NLGN1: variants seen among roughly 807,000 people sequenced by gnomAD.
The protein encoded by NLGN1 is neuroligin 1.
A neutral mutation model predicts 65.5 loss-of-function variants in NLGN1; 12 were observed. The ratio of observed to expected loss-of-function variants is 0.18; its 90% CI spans 0.12 to 0.30. The LOEUF (loss-of-function observed/expected upper bound fraction) is 0.30. Among genes scored for constraint, NLGN1 ranks in the 10% least tolerant of loss-of-function variants. The probability of loss-of-function intolerance (pLI) is 1.00; values close to 1 mark genes in which losing one functional copy is unlikely to be tolerated. For synonymous variants in NLGN1, 350 were observed against 359.5 expected, an observed-to-expected ratio of 0.97 and a Z score of 0.30; for missense variants, 750 against 1,007.1, an observed-to-expected ratio of 0.74 and a Z score of 3.46.
chr3:174,023,380 G>A (rs1487584089), intron 4 of NLGN1, among the ~76,000 whole-genome samples: 1 of 152,152 alleles, frequency 6.6e-6, no homozygotes, highest in Non-Finnish European at 1.5e-5. Context: ...TAGGATATAT[G>A]TAACGCTTTT....
intron 4 of NLGN1, among the ~76,000 whole-genome samples, chr3:174,033,000 A>T (rs545889004): frequency 4.7e-4 from 71 of 152,124 alleles, no homozygotes; most frequent in African/African-American, 1.6e-3. Flanking sequence ...ATATAGATCT[A>T]TCTATATATA....
chr3:173,670,950 G>C (rs1358409768), intron 3 of NLGN1, among the ~76,000 whole-genome samples: 2 of 152,074 alleles, frequency 1.3e-5, no homozygotes, highest in East Asian at 3.9e-4. Context: ...TACCTAAAAA[G>C]TGCATAGGTA....
chr3:174,059,561 A>G (rs2152515971), intron 4 of NLGN1, among the ~76,000 whole-genome samples: 1 of 152,244 alleles, frequency 6.6e-6, no homozygotes, highest in East Asian at 1.9e-4. Flanking sequence ...TTTGTTCTTT[A>G]AGCCTATAGA....
chr3:173,397,941 A>G (rs1369952385), upstream of NLGN1: 1 of 152,276 alleles, frequency 6.6e-6, no homozygotes. Flanking sequence ...TCACGCTGCC[A>G]GAGCCCGGGC....
At chr3:173,707,744 A>C (rs1163090940) in intron 3 of NLGN1, among the ~76,000 whole-genome samples, 1 of 152,192 alleles carries the variant, frequency 6.6e-6, no homozygotes, top group Non-Finnish European at 1.5e-5. Flanking sequence ...GTATGATAGA[A>C]TGGTTAAATT....
chr3:174,255,335 C>G (rs1745486852), intron 4 of NLGN1, among the ~76,000 whole-genome samples: 1 of 147,984 alleles, frequency 6.8e-6, no homozygotes. Context: ...ACTCAGGAGG[C>G]TGAGGCAGGA....
intron 3 of NLGN1, among the ~76,000 whole-genome samples, chr3:173,774,364 G>A (rs1779998606): frequency 6.6e-6 from 1 of 152,162 alleles, no homozygotes; most frequent in Non-Finnish European, 1.5e-5. Flanking sequence ...TTGATCTTCT[G>A]GCTCTGGACA....
intron 3 of NLGN1, among the ~76,000 whole-genome samples, chr3:173,699,858 T>C (rs1247802150): frequency 6.6e-6 from 1 of 152,080 alleles, no homozygotes; most frequent in African/African-American, 2.4e-5. Context: ...GGGAGAAAAT[T>C]GCCCACCAGT....
Position 174,260,435 on chromosome 3 carries a change from G to A in NLGN1, c.647-14880G>A, listed in dbSNP as rs1183621617. Among the ~76,000 whole-genome samples the A allele has an allele frequency of 3.2e-3, 485 of 151,978 alleles. 4 individuals carry two copies. The highest frequency in any genetic ancestry group is 3.9e-3 in the Non-Finnish European group (268 of 67,976). On this transcript the variant is annotated intron_variant, in intron 4 of 6. Transcript: ENST00000457714. ...TTGATTTGCATTTCTCTGATGGCCA[G>A]TGACGATGAGCATTTTTTCATGTGT...
intron 2 of NLGN1, among the ~76,000 whole-genome samples, chr3:173,513,413 A>T (rs1057501286): frequency 2.0e-5 from 3 of 152,162 alleles, no homozygotes; most frequent in African/African-American, 7.2e-5. Context: ...CTTACCCAGC[A>T]CTGCTTCCAG....
intron 3 of NLGN1, among the ~76,000 whole-genome samples, chr3:173,787,859 C>A (rs1348383477): frequency 6.6e-6 from 1 of 152,288 alleles, no homozygotes; most frequent in East Asian, 1.9e-4. Flanking sequence ...TATGCTCAAG[C>A]AATTGCTTCT....
intron 4 of NLGN1, among the ~76,000 whole-genome samples, chr3:174,075,765 G>C (rs1160372828): frequency 6.6e-6 from 1 of 152,156 alleles, no homozygotes; most frequent in Non-Finnish European, 1.5e-5. Context: ...TAATGCATAA[G>C]TGGATTATTG....
intron 4 of NLGN1, among the ~76,000 whole-genome samples, chr3:174,228,461 G>A (rs997770922): frequency 6.6e-6 from 1 of 152,008 alleles, no homozygotes; most frequent in Admixed American, 6.5e-5. Flanking sequence ...CTGCTAAGTG[G>A]TAGGGGCTAC....
At chr3:174,088,802 AAAT>A (rs1377595142) in intron 4 of NLGN1, among the ~76,000 whole-genome samples, 1 of 148,170 alleles carries the variant, frequency 6.7e-6, no homozygotes, top group Admixed American at 6.7e-5. Flanking sequence ...ATAAATAAAT[AAAT>A]AAAACTAGAT....
intron 4 of NLGN1, among the ~76,000 whole-genome samples, chr3:173,989,215 A>C (rs546854390): frequency 1.3e-5 from 2 of 152,156 alleles, no homozygotes; most frequent in Admixed American, 1.3e-4. Context: ...TGACTTACAC[A>C]TTCCTTACCA....
chr3:174,157,841 T>A (rs976397879), intron 4 of NLGN1, among the ~76,000 whole-genome samples: 1 of 151,800 alleles, frequency 6.6e-6, no homozygotes, highest in African/African-American at 2.4e-5. Context: ...GCATCATAAG[T>A]GTATATAAGA....
chr3:173,482,707 A>G (rs965121193), intron 2 of NLGN1, among the ~76,000 whole-genome samples: 3 of 151,974 alleles, frequency 2.0e-5, no homozygotes, highest in African/African-American at 7.2e-5. Flanking sequence ...AGTGAGGGAG[A>G]AAACCAGAAT....
intron 4 of NLGN1, among the ~76,000 whole-genome samples, chr3:174,274,239 T>C (rs1164066442): frequency 6.6e-6 from 1 of 151,814 alleles, no homozygotes; most frequent in Non-Finnish European, 1.5e-5. Context: ...TAAATTTTCA[T>C]TTATATTAAA....
chr3:173,590,923 A>G (rs938263428), intron 2 of NLGN1, among the ~76,000 whole-genome samples: 1 of 152,154 alleles, frequency 6.6e-6, no homozygotes, highest in African/African-American at 2.4e-5. Flanking sequence ...TATTGTTATA[A>G]TTTACTGAAG....
Sources: gnomAD v4.1 joint callset for allele counts (sites outside exome capture counted in the v4.1 genomes callset) on GRCh38, gnomAD v4.1.1 for gene constraint, MANE v1.5 for transcripts, NCBI Gene and HGNC (gene_info 2026-07-23, HGNC 2026-07-21) for gene names.